Variants in ACSF3 observed in about 807,000 individuals in gnomAD.
ACSF3 encodes the protein acyl-CoA synthetase family member 3, also known as malonate--CoA ligase ACSF3, mitochondrial.
Under a neutral mutation model 53.2 loss-of-function variants are expected in ACSF3, and 78 were observed. The ratio of observed to expected loss-of-function variants is 1.47; its 90% CI spans 1.22 to 1.77. The LOEUF (loss-of-function observed/expected upper bound fraction) is 1.77. ACSF3 is among the 40% of genes most tolerant of loss of function. ACSF3 has a pLI of 0.00. For missense variants in ACSF3, 937 were observed against 771.1 expected (o/e 1.22, Z -2.55); for synonymous variants, 414 against 333.1 (o/e 1.24, Z -2.65).
chr16:89,120,674 G>A (rs1047318980), intron 6 of ACSF3, 127 bp from the exon 7 acceptor site: 4 of 890,338 alleles, frequency 4.5e-6, no homozygotes, highest in East Asian at 2.4e-5. Flanking sequence ...AGGGCACGTC[G>A]CTCCCTCCAC....
intron 6 of ACSF3, chr16:89,114,929 A>C (rs766837083): frequency 3.1e-6 from 1 of 327,502 alleles, no homozygotes; most frequent in Non-Finnish European, 6.0e-6. Flanking sequence ...GCAGGGTGGG[A>C]TGAGTCAAGC....
chr16:89,124,682 A>G (rs12448466), intron 7 of ACSF3, among the ~76,000 whole-genome samples: 58 of 12,060 alleles, frequency 4.8e-3, no homozygotes, highest in Admixed American at 0.013. Flanking sequence ...TGTGTCACAT[A>G]TGCACACACT....
chr16:89,108,131 C>A (rs1976236994), intron 4 of ACSF3, among the ~76,000 whole-genome samples: 1 of 152,170 alleles, frequency 6.6e-6, no homozygotes, highest in Non-Finnish European at 1.5e-5. Flanking sequence ...GACCGGCCCC[C>A]ATAATTCAAT....
At chr16:89,144,806 G>A (rs1369071756) in intron 8 of ACSF3, among the ~76,000 whole-genome samples, 1 of 152,224 alleles carries the variant, frequency 6.6e-6, no homozygotes, top group Non-Finnish European at 1.5e-5. Context: ...CCCTGTGCTT[G>A]TTGCTCAGAA....
At chr16:89,145,133 G>A (rs1405837406) in intron 8 of ACSF3, 134 bp from the exon 9 acceptor site, 1 of 1,604,812 alleles carries the variant, frequency 6.2e-7, no homozygotes, top group East Asian at 2.2e-5. Context: ...GTTGCCACAG[G>A]GTAGTAACCA....
At chr16:89,099,488 A>C (rs1975019631) in intron 2 of ACSF3, among the ~76,000 whole-genome samples, 1 of 152,180 alleles carries the variant, frequency 6.6e-6, no homozygotes, top group Non-Finnish European at 1.5e-5. Flanking sequence ...GCCTGATTTA[A>C]AGCTTGGCTT....
At chr16:89,124,087 CGCATGGGTATCACACACATGCCTAG>C (rs1907367354) in intron 7 of ACSF3, among the ~76,000 whole-genome samples, 1 of 3,750 alleles carries the variant, frequency 2.7e-4, no homozygotes, top group East Asian at 1.2e-3. Flanking sequence ...GCCTAGTGTG[CGCATGGGTATCACACACATGCCTAG>C]TGTGCGCATG....
intron 10 of ACSF3, chr16:89,151,179 G>C (rs188271985): frequency 1.8e-6 from 1 of 541,510 alleles, no homozygotes; most frequent in Non-Finnish European, 3.3e-6. Context: ...AGATGAAACA[G>C]ATAACTCCCT....
At position 89,116,158 on chromosome 16, in the gene ACSF3, G is replaced by A. The variant is rs533014984; in HGVS notation, c.1126+1671G>A. Among the ~76,000 whole-genome samples the A allele has an allele frequency of 3.9e-5, 6 of 152,318 alleles. No homozygotes were observed. In the South Asian group the frequency reaches 1.2e-3, roughly 32 times the overall value. On this transcript the variant is annotated intron_variant, in intron 6 of 10. Coordinates refer to ENST00000614302, the MANE Select transcript of ACSF3 (RefSeq NM_001243279.3). The stretch of plus-strand genomic sequence containing the variant: ...ATACGGACCACAGTTCTTTTTTAGT[G>A]TGTGAATGTCTAACTTTTTAGCACT...
chr16:89,104,264 C>T (rs1472749379), intron 4 of ACSF3, among the ~76,000 whole-genome samples: 1 of 152,238 alleles, frequency 6.6e-6, no homozygotes, highest in Non-Finnish European at 1.5e-5. Flanking sequence ...TATGGAAAAG[C>T]CCTTAGAATT....
At chr16:89,146,139 T>C in intron 10 of ACSF3, 90 bp downstream of exon 10, 1 of 953,226 alleles carries the variant, frequency 1.0e-6, no homozygotes, top group East Asian at 2.4e-5. Context: ...TCGTCCGTCT[T>C]AGAGGTGGAG....
intron 7 of ACSF3, among the ~76,000 whole-genome samples, chr16:89,131,048 G>A (rs1909171670): frequency 6.9e-6 from 1 of 144,804 alleles, no homozygotes; most frequent in African/African-American, 2.5e-5. Context: ...CTTTATATCT[G>A]TTATTTCTTT....
intron 1 of ACSF3, 150 bp from the exon 2 acceptor site, chr16:89,098,441 C>T (rs900342911): frequency 5.7e-6 from 2 of 352,144 alleles, no homozygotes; most frequent in South Asian, 4.3e-5. Context: ...TGCCCGTTGT[C>T]GGGAGATAAG....
At chr16:89,126,138 A>G (rs1409343018) in intron 7 of ACSF3, among the ~76,000 whole-genome samples, 1 of 152,202 alleles carries the variant, frequency 6.6e-6, no homozygotes, top group Non-Finnish European at 1.5e-5. Flanking sequence ...TGTTGTATTC[A>G]GCATATAGAT....
At chr16:89,130,526 A>G (rs1264345327) in intron 7 of ACSF3, among the ~76,000 whole-genome samples, 1 of 152,234 alleles carries the variant, frequency 6.6e-6, no homozygotes, top group Non-Finnish European at 1.5e-5. Context: ...GTAAGCCGAG[A>G]TCATGCCATT....
At chr16:89,099,115 G>A (rs1231718036) in intron 2 of ACSF3, among the ~76,000 whole-genome samples, 1 of 152,264 alleles carries the variant, frequency 6.6e-6, no homozygotes, top group African/African-American at 2.4e-5. Flanking sequence ...CAGGGATGCA[G>A]GAGCCTCGTG....
intron 5 of ACSF3, chr16:89,113,985 G>C (rs1241429086): frequency 8.2e-6 from 3 of 366,224 alleles, no homozygotes; most frequent in African/African-American, 6.3e-5. Flanking sequence ...GTGGTCGGCA[G>C]CTGCACGGTC....
chr16:89,155,289 G>A lies in ACSF3; in HGVS notation c.*1082G>A. 2 of 454,112 alleles carry A rather than the reference G, an allele frequency of 4.4e-6. No homozygotes were observed. Among genetic ancestry groups the A allele is most frequent in the Non-Finnish European group, 8.8e-6 (2 of 226,762 alleles). 28.1% of individuals were successfully genotyped at this position (454,112 alleles called of 1,614,324 possible). The stretch of plus-strand genomic sequence containing the variant: ...ACCCAGAACATTCTGCCCCCGGAAT[G>A]CACGTCTGAAAGAGTGGCCAGAAAC... On this transcript the variant is annotated 3_prime_UTR_variant, in exon 11 of 11. Transcript: ENST00000614302.
intron 8 of ACSF3, 102 bp downstream of exon 8, chr16:89,133,364 T>G: frequency 6.5e-7 from 1 of 1,534,096 alleles, no homozygotes; most frequent in African/African-American, 1.4e-5. Context: ...TTCCCAGAAT[T>G]TTCAGCCAAA....
Sources: allele counts gnomAD v4.1 joint callset (sites outside exome capture counted in the v4.1 genomes callset), GRCh38; gene constraint gnomAD v4.1.1; transcripts MANE v1.5; gene names NCBI Gene and HGNC (gene_info 2026-07-23, HGNC 2026-07-21).